The following DOCK3 variants were observed in gnomAD, a reference collection of about 807,000 sequenced individuals.
DOCK3 encodes dedicator of cytokinesis 3.
Under a neutral mutation model 265.6 loss-of-function variants are expected in DOCK3, and 60 were observed. That is an observed-to-expected ratio of 0.23 (90% CI 0.18 to 0.28). DOCK3 has a LOEUF of 0.28. DOCK3 is among the 10% of genes least tolerant of loss of function. The pLI is 1.00. For missense variants in DOCK3, 1,981 were observed against 2,594.3 expected (o/e 0.76, Z 5.14); for synonymous variants, 881 against 938.0 (o/e 0.94, Z 1.11).
chr3:51,372,006 A>G (rs1364496708), intron 49 of DOCK3, among the ~76,000 whole-genome samples: 2 of 152,186 alleles, frequency 1.3e-5, no homozygotes, highest in African/African-American at 2.4e-5. Flanking sequence ...TTCGGTGCAT[A>G]CTGAACAGAG....
intron 19 of DOCK3, among the ~76,000 whole-genome samples, chr3:51,233,663 C>A (rs2078234209): frequency 6.6e-6 from 1 of 152,170 alleles, no homozygotes; most frequent in Non-Finnish European, 1.5e-5. Flanking sequence ...GCCACCACGC[C>A]CATCCTCTTT....
intron 6 of DOCK3, among the ~76,000 whole-genome samples, chr3:51,074,005 A>G (rs2081971980): frequency 6.6e-6 from 1 of 152,164 alleles, no homozygotes; most frequent in Non-Finnish European, 1.5e-5. Flanking sequence ...ACCTGATTTT[A>G]TTTTCAATGA....
At chr3:51,291,309 A>C (rs769426248) in intron 27 of DOCK3, among the ~76,000 whole-genome samples, 1 of 152,170 alleles carries the variant, frequency 6.6e-6, no homozygotes, top group East Asian at 1.9e-4. Context: ...TCAGAGTAGA[A>C]GTAAATGAAA....
chr3:51,197,450 G>T (rs1228494782), intron 12 of DOCK3, among the ~76,000 whole-genome samples: 1 of 152,164 alleles, frequency 6.6e-6, no homozygotes, highest in Non-Finnish European at 1.5e-5. Context: ...GTTGATGTTG[G>T]TGGTGGCTCT....
intron 9 of DOCK3, among the ~76,000 whole-genome samples, chr3:51,098,298 G>A (rs1471098581): frequency 2.0e-5 from 3 of 152,194 alleles, no homozygotes; most frequent in Non-Finnish European, 4.4e-5. Context: ...CTCGTGATCT[G>A]CCTGCCTTGG....
chr3:51,066,366 A>G (rs1202881686), intron 6 of DOCK3, among the ~76,000 whole-genome samples: 1 of 152,242 alleles, frequency 6.6e-6, no homozygotes, highest in Non-Finnish European at 1.5e-5. Context: ...ATAGCTTAGT[A>G]TTCTAGGAAT....
chr3:51,366,331 A>G (rs1419908022), intron 49 of DOCK3, among the ~76,000 whole-genome samples: 1 of 151,764 alleles, frequency 6.6e-6, no homozygotes, highest in Non-Finnish European at 1.5e-5. Context: ...ATCGGTGGTG[A>G]TATCCCCTTT....
chr3:51,169,645 A>G (rs983252836), intron 12 of DOCK3, among the ~76,000 whole-genome samples: 1 of 152,220 alleles, frequency 6.6e-6, no homozygotes, highest in African/African-American at 2.4e-5. Context: ...TACTAGGCCT[A>G]GTACCTGGGT....
At chr3:51,086,920 A>G (rs4444745) in intron 7 of DOCK3, among the ~76,000 whole-genome samples, 137,235 of 152,286 alleles carry the variant, frequency 0.9, 62,035 homozygotes, top group African/African-American at 0.95. Flanking sequence ...CCAAGATTGA[A>G]TCATGAAGAA....
In DOCK3 at chr3:51,359,539, T is replaced by TC. The variant is rs2086586900; in HGVS notation, c.4885-970dup. Among the ~76,000 whole-genome samples, 1 of 152,224 alleles carries TC rather than the reference T, an allele frequency of 6.6e-6. No individual in the cohort carries two copies. On this transcript the variant is annotated intron_variant, in intron 46 of 52. Transcript: ENST00000266037. The surrounding 1 kb of genome is among the most constrained non-coding windows in gnomAD (Gnocchi z 4.8). ...TTCCACTACCTCTCATTCCAGGGTCTCCTGCCTGTTTGACTGGTCTCTGCT... is the reference window on the plus strand; with the variant it reads ...TTCCACTACCTCTCATTCCAGGGTCTCCCTGCCTGTTTGACTGGTCTCTGCT...
At chr3:50,848,248 G>A (rs2046186059) in intron 3 of DOCK3, among the ~76,000 whole-genome samples, 1 of 152,020 alleles carries the variant, frequency 6.6e-6, no homozygotes. Context: ...TGTTGTTGTT[G>A]TTCAACTTGC....
intron 5 of DOCK3, among the ~76,000 whole-genome samples, chr3:51,046,287 T>C (rs950282993): frequency 6.6e-6 from 1 of 152,126 alleles, no homozygotes; most frequent in Non-Finnish European, 1.5e-5. Flanking sequence ...AAGCAAAACA[T>C]GTAGAGTGAC....
intron 1 of DOCK3, among the ~76,000 whole-genome samples, chr3:50,720,975 T>C (rs1018648898): frequency 6.6e-6 from 1 of 152,208 alleles, no homozygotes; most frequent in Non-Finnish European, 1.5e-5. Context: ...TTTTTTTTCA[T>C]ATGCTTGTTG....
intron 51 of DOCK3, among the ~76,000 whole-genome samples, chr3:51,377,510 G>C (rs1004191842): frequency 9.9e-5 from 15 of 152,210 alleles, no homozygotes; most frequent in African/African-American, 3.6e-4. Flanking sequence ...ATGCACTGGC[G>C]GCCTCAGGCC....
intron 49 of DOCK3, among the ~76,000 whole-genome samples, chr3:51,370,219 A>G (rs2110479405): frequency 6.6e-6 from 1 of 152,370 alleles, no homozygotes; most frequent in Non-Finnish European, 1.5e-5. Context: ...TCAGGTAAAT[A>G]GTCCTGAATA....
At chr3:51,227,514 G>T in intron 16 of DOCK3, 69 bp downstream of exon 16, 1 of 1,571,210 alleles carries the variant, frequency 6.4e-7, no homozygotes, top group Non-Finnish European at 8.6e-7. Context: ...CTCTTGAACA[G>T]AATTAAGTGG....
chr3:50,929,561 C>G (rs1041242122), intron 4 of DOCK3, among the ~76,000 whole-genome samples: 1 of 152,180 alleles, frequency 6.6e-6, no homozygotes, highest in Admixed American at 6.5e-5. Context: ...CTCTAAGTTC[C>G]TAGTCACCAG....
chr3:50,936,194 A>G (rs902106163), intron 5 of DOCK3, among the ~76,000 whole-genome samples: 7 of 152,144 alleles, frequency 4.6e-5, no homozygotes, highest in Middle Eastern at 3.4e-3. Flanking sequence ...AGCAGCCTAT[A>G]GAAATTATAG....
At chr3:50,719,672 A>G (rs907986411) in intron 1 of DOCK3, 2 of 1,563,978 alleles carry the variant, frequency 1.3e-6, no homozygotes, top group Admixed American at 1.7e-5. Context: ...TGGGTCCAGC[A>G]TTTGACATGG....
Sources: gnomAD v4.1 joint callset for allele counts (sites outside exome capture counted in the v4.1 genomes callset) on GRCh38, gnomAD v4.1.1 for gene constraint, Gnocchi (gnomAD v3.1) non-coding constraint, MANE v1.5 for transcripts, NCBI Gene and HGNC (gene_info 2026-07-23, HGNC 2026-07-21) for gene names.